The following SLC35D4 variants were observed in gnomAD, a reference collection of about 807,000 sequenced individuals.
The protein encoded by SLC35D4 is UDP-N-acetylglucosamine transporter SLC35D4.
the SLC35D4 span, among the ~76,000 whole-genome samples, chr18:23,319,604 A>G: frequency 1.3e-5 from 2 of 152,014 alleles, no homozygotes; most frequent in Non-Finnish European, 2.9e-5. Flanking sequence ...TGCCCAGCTA[A>G]TATTTTGTAT....
chr18:23,252,371 T>C, the SLC35D4 span, among the ~76,000 whole-genome samples: 2 of 152,202 alleles, frequency 1.3e-5, no homozygotes, highest in Non-Finnish European at 2.9e-5. Flanking sequence ...GTAAATTGTA[T>C]GTGATGTGTA....
At chr18:23,298,797 G>A in the SLC35D4 span, among the ~76,000 whole-genome samples, 6 of 152,330 alleles carry the variant, frequency 3.9e-5, no homozygotes, top group East Asian at 3.9e-4. Flanking sequence ...GTAGGTCTCT[G>A]ATGGGGAGGG....
chr18:23,312,684 C>T, the SLC35D4 span, among the ~76,000 whole-genome samples: 1 of 152,100 alleles, frequency 6.6e-6, no homozygotes, highest in East Asian at 1.9e-4. Context: ...GCGTGATGCC[C>T]CACTACTGTC....
chr18:23,351,126 A>G, the SLC35D4 span, among the ~76,000 whole-genome samples: 41 of 152,282 alleles, frequency 2.7e-4, no homozygotes, highest in African/African-American at 9.1e-4. Flanking sequence ...GGCCATGTGG[A>G]CCGAGCACAG....
At chr18:23,292,654 T>C in the SLC35D4 span, among the ~76,000 whole-genome samples, 1 of 152,188 alleles carries the variant, frequency 6.6e-6, no homozygotes, top group Non-Finnish European at 1.5e-5. Flanking sequence ...AGCATGAAGG[T>C]TGAAAGCATG....
the SLC35D4 span, among the ~76,000 whole-genome samples, chr18:23,344,903 C>A: frequency 6.6e-6 from 1 of 152,054 alleles, no homozygotes; most frequent in African/African-American, 2.4e-5. Context: ...CCTAGCCTAC[C>A]TTTTCATTTT....
At chr18:23,404,304 T>C in the SLC35D4 span, among the ~76,000 whole-genome samples, 1 of 152,216 alleles carries the variant, frequency 6.6e-6, no homozygotes, top group Non-Finnish European at 1.5e-5. Context: ...AAAGTGATGG[T>C]ACTAGGAGTT....
the SLC35D4 span, among the ~76,000 whole-genome samples, chr18:23,431,550 C>T: frequency 6.6e-6 from 1 of 151,910 alleles, no homozygotes; most frequent in Admixed American, 6.6e-5. Context: ...TTTTGTATGT[C>T]TTTTGTATTA....
chr18:23,349,711 C>T, the SLC35D4 span, among the ~76,000 whole-genome samples: 270 of 152,320 alleles, frequency 1.8e-3, 1 homozygote, highest in African/African-American at 6.3e-3. Flanking sequence ...ATAAGTGGTA[C>T]TTATAAAAGA....
At chr18:23,435,249 C>CT in the SLC35D4 span, among the ~76,000 whole-genome samples, 1 of 150,674 alleles carries the variant, frequency 6.6e-6, no homozygotes, top group Middle Eastern at 3.4e-3. Flanking sequence ...TATTTGTCTG[C>CT]TTTTTTTTTT....
At chr18:23,412,067 C>T in the SLC35D4 span, among the ~76,000 whole-genome samples, 1 of 152,196 alleles carries the variant, frequency 6.6e-6, no homozygotes. Context: ...CGCCTGTAAT[C>T]CTAACATTTT....
At chr18:23,250,770 G>A in the SLC35D4 span, among the ~76,000 whole-genome samples, 264 of 152,346 alleles carry the variant, frequency 1.7e-3, 1 homozygote, top group African/African-American at 5.9e-3. Context: ...ATGTATCAGA[G>A]GAGGAAGAAG....
At chr18:23,350,646 C>T in the SLC35D4 span, among the ~76,000 whole-genome samples, 2 of 152,124 alleles carry the variant, frequency 1.3e-5, no homozygotes, top group Non-Finnish European at 2.9e-5. Flanking sequence ...ACCACTGGTC[C>T]ACTGCTTGTT....
the SLC35D4 span, among the ~76,000 whole-genome samples, chr18:23,392,397 A>G: frequency 1.3e-5 from 2 of 152,210 alleles, no homozygotes; most frequent in Non-Finnish European, 2.9e-5. Context: ...ACTGACTTGT[A>G]TGAAATAGAC....
chr18:23,377,137 C>G, the SLC35D4 span, among the ~76,000 whole-genome samples: 1 of 152,102 alleles, frequency 6.6e-6, no homozygotes, highest in African/African-American at 2.4e-5. Flanking sequence ...CTGCAGGCAC[C>G]GGGGTCTGCA....
At chr18:23,279,012 CAA>C in the SLC35D4 span, among the ~76,000 whole-genome samples, 2,926 of 96,002 alleles carry the variant, frequency 0.03, 85 homozygotes, top group African/African-American at 0.09. Context: ...GACCCCATCT[CAA>C]AAAAAAAAAA....
chr18:23,418,379 T>G, the SLC35D4 span, among the ~76,000 whole-genome samples: 3 of 148,916 alleles, frequency 2.0e-5, no homozygotes, highest in East Asian at 5.9e-4. Flanking sequence ...TTATTATTAT[T>G]ATTATTTTTT....
At chr18:23,242,670 C>A in the SLC35D4 span, among the ~76,000 whole-genome samples, 3 of 152,012 alleles carry the variant, frequency 2.0e-5, no homozygotes, top group African/African-American at 7.2e-5. Flanking sequence ...TGTAAGAAAT[C>A]CCTCTTGCAC....
the SLC35D4 span, among the ~76,000 whole-genome samples, chr18:23,351,667 GA>G: frequency 6.6e-6 from 1 of 152,144 alleles, no homozygotes; most frequent in Non-Finnish European, 1.5e-5. Flanking sequence ...CTAAGGAAAT[GA>G]AACGTGCCAA....
Sources: allele counts gnomAD v4.1 joint callset (sites outside exome capture counted in the v4.1 genomes callset), GRCh38; gene constraint gnomAD v4.1.1; transcripts MANE v1.5; gene names NCBI Gene and HGNC (gene_info 2026-07-23, HGNC 2026-07-21).